GRID1: variants seen among roughly 807,000 people sequenced by gnomAD.
GRID1 encodes glutamate ionotropic receptor delta type subunit 1.
GRID1 carries 28 observed loss-of-function variants against 98.0 expected under a neutral mutation model. The ratio of observed to expected loss-of-function variants is 0.29; its 90% CI spans 0.21 to 0.39. GRID1 has a LOEUF of 0.39. Ranked by LOEUF, GRID1 falls within the 10% of genes least tolerant of loss-of-function variation. The pLI is 1.00. For synonymous variants in GRID1, 553 were observed against 538.5 expected (o/e 1.03, Z -0.37); for missense variants, 1,111 against 1,340.5 (o/e 0.83, Z 2.67).
At chr10:85,747,122 T>C (rs1842004715) in intron 8 of GRID1, among the ~76,000 whole-genome samples, 1 of 152,116 alleles carries the variant, frequency 6.6e-6, no homozygotes, top group Non-Finnish European at 1.5e-5. Context: ...GTGGAGAGAC[T>C]TGAGGCTCAG....
intron 4 of GRID1, among the ~76,000 whole-genome samples, chr10:85,963,532 C>A (rs1842298232): frequency 6.6e-6 from 1 of 152,178 alleles, no homozygotes; most frequent in South Asian, 2.1e-4. Flanking sequence ...AAAACTCTAA[C>A]CTCCTGACAC....
At chr10:85,719,845 T>C (rs1164224025) in intron 12 of GRID1, among the ~76,000 whole-genome samples, 1 of 152,140 alleles carries the variant, frequency 6.6e-6, no homozygotes, top group Non-Finnish European at 1.5e-5. Flanking sequence ...ATAAAAATGT[T>C]AGGAATTTTA....
intron 8 of GRID1, among the ~76,000 whole-genome samples, chr10:85,841,087 C>T (rs1264310029): frequency 1.3e-5 from 2 of 152,030 alleles, no homozygotes; most frequent in East Asian, 3.9e-4. Context: ...TACTTCAAAC[C>T]ATACTATACA....
chr10:86,044,342 G>A (rs1406426787), intron 4 of GRID1, among the ~76,000 whole-genome samples: 1 of 152,176 alleles, frequency 6.6e-6, no homozygotes, highest in Non-Finnish European at 1.5e-5. Flanking sequence ...AACCAGCATT[G>A]GCTTAATGGC....
chr10:85,742,677 T>C (rs370037985), intron 8 of GRID1, among the ~76,000 whole-genome samples: 5 of 152,112 alleles, frequency 3.3e-5, no homozygotes, highest in Admixed American at 6.5e-5. Flanking sequence ...CTGCAGCAGA[T>C]TGTATTTTCT....
intron 4 of GRID1, among the ~76,000 whole-genome samples, chr10:86,124,002 C>T (rs1844715879): frequency 2.6e-5 from 4 of 152,206 alleles, no homozygotes; most frequent in African/African-American, 9.6e-5. Context: ...GCTACCCATC[C>T]AGGCCTCGTG....
chr10:85,604,611 A>G (rs1276782755), intron 15 of GRID1, among the ~76,000 whole-genome samples: 1 of 152,194 alleles, frequency 6.6e-6, no homozygotes, highest in Non-Finnish European at 1.5e-5. Context: ...TACTTGTCCC[A>G]GCTAAATTAT....
intron 3 of GRID1, among the ~76,000 whole-genome samples, chr10:86,190,134 CCATCTAGT>C (rs1166977695): frequency 1.3e-5 from 2 of 152,168 alleles, no homozygotes; most frequent in African/African-American, 4.8e-5. Flanking sequence ...CTCTGTGTCA[CCATCTAGT>C]CGCCCACCCC....
rs77542568 is a variant in GRID1, at chr10:86,098,944, A to G, written c.726+39875T>C. ...GCCATTGATGCCCACTTGAAATAAT[A>G]TTAGTAATAAAATTTCAGACCTAAA... On this transcript the variant is annotated intron_variant, in intron 4 of 15. Transcript: ENST00000327946. Among the ~76,000 whole-genome samples, 1,249 of 152,324 alleles carry G rather than the reference A, an allele frequency of 8.2e-3. 20 individuals are homozygous for G. The highest frequency in any genetic ancestry group is 0.028 in the African/African-American group (1,176 of 41,566).
intron 4 of GRID1, among the ~76,000 whole-genome samples, chr10:86,054,686 G>T (rs982228635): frequency 2.6e-5 from 4 of 152,186 alleles, no homozygotes; most frequent in Non-Finnish European, 5.9e-5. Flanking sequence ...CTCTTAATGT[G>T]TTTTCACTAT....
intron 2 of GRID1, among the ~76,000 whole-genome samples, chr10:86,316,940 C>T (rs10788488): frequency 6.6e-6 from 1 of 152,080 alleles, no homozygotes; most frequent in African/African-American, 2.4e-5. Context: ...AAATGCATAT[C>T]CTCAGCCCCT....
intron 8 of GRID1, among the ~76,000 whole-genome samples, chr10:85,820,512 C>CA (rs1325475971): frequency 3.9e-5 from 6 of 152,026 alleles, no homozygotes; most frequent in African/African-American, 1.4e-4. Context: ...TTTTCAAATT[C>CA]AAAAAACTGC....
chr10:86,342,662 AG>A (rs2132110897), intron 2 of GRID1, among the ~76,000 whole-genome samples: 1 of 152,268 alleles, frequency 6.6e-6, no homozygotes, highest in Admixed American at 6.5e-5. Flanking sequence ...CCCATCCTCC[AG>A]GAAGCCCTAG....
At chr10:86,086,610 G>A (rs961998731) in intron 4 of GRID1, among the ~76,000 whole-genome samples, 2 of 152,162 alleles carry the variant, frequency 1.3e-5, no homozygotes, top group African/African-American at 4.8e-5. Flanking sequence ...GTGTGCCTGT[G>A]TGCGCAAGTG....
intron 2 of GRID1, among the ~76,000 whole-genome samples, chr10:86,328,684 A>G (rs1015991593): frequency 3.9e-5 from 6 of 152,150 alleles, no homozygotes; most frequent in African/African-American, 1.2e-4. Flanking sequence ...GAGGTTCCCT[A>G]TAGATTATCT....
intron 3 of GRID1, among the ~76,000 whole-genome samples, chr10:86,172,085 A>G (rs1022044866): frequency 6.6e-6 from 1 of 152,114 alleles, no homozygotes; most frequent in Non-Finnish European, 1.5e-5. Context: ...AACCACCACT[A>G]CAATCTAATT....
intron 4 of GRID1, among the ~76,000 whole-genome samples, chr10:85,999,286 G>A (rs12781224): frequency 2.1e-5 from 3 of 146,140 alleles, no homozygotes; most frequent in African/African-American, 7.6e-5. Flanking sequence ...TCAATAACCT[G>A]AGTACTCCTA....
At chr10:85,862,692 T>A (rs564339166) in intron 6 of GRID1, among the ~76,000 whole-genome samples, 1 of 152,122 alleles carries the variant, frequency 6.6e-6, no homozygotes, top group South Asian at 2.1e-4. Context: ...TAGAGATGAG[T>A]CACAAGAAGT....
At chr10:86,004,771 T>C (rs1004589217) in intron 4 of GRID1, among the ~76,000 whole-genome samples, 5 of 101,260 alleles carry the variant, frequency 4.9e-5, no homozygotes, top group Non-Finnish European at 1.0e-4. Flanking sequence ...CTTGATTCTG[T>C]TTCTCTGGAG....
Sources: allele counts gnomAD v4.1 joint callset (sites outside exome capture counted in the v4.1 genomes callset), GRCh38; gene constraint gnomAD v4.1.1; transcripts MANE v1.5; gene names NCBI Gene and HGNC (gene_info 2026-07-23, HGNC 2026-07-21).